The following SLC44A1 variants were observed in gnomAD, a reference collection of about 807,000 sequenced individuals.
SLC44A1 encodes solute carrier family 44 member 1.
Under a neutral mutation model 79.3 loss-of-function variants are expected in SLC44A1, and 26 were observed. The observed-to-expected ratio is 0.33, with a 90% CI of 0.24 to 0.46. SLC44A1 has a LOEUF of 0.46. Ranked by LOEUF, SLC44A1 falls within the 20% of genes least tolerant of loss-of-function variation. The probability of loss-of-function intolerance (pLI) is 1.00; values close to 1 mark genes in which losing one functional copy is unlikely to be tolerated. For synonymous variants in SLC44A1, 263 were observed against 286.2 expected, an observed-to-expected ratio of 0.92 and a Z score of 0.82; for missense variants, 688 against 798.1, an observed-to-expected ratio of 0.86 and a Z score of 1.66.
intron 1 of SLC44A1, among the ~76,000 whole-genome samples, chr9:105,277,722 A>G (rs559541663): frequency 5.4e-4 from 82 of 152,374 alleles, no homozygotes; most frequent in African/African-American, 1.9e-3. Flanking sequence ...TTGTAAACCA[A>G]GTAGCCTAAT....
chr9:105,266,198 C>T (rs1259605163), intron 1 of SLC44A1, among the ~76,000 whole-genome samples: 1 of 152,108 alleles, frequency 6.6e-6, no homozygotes, highest in African/African-American at 2.4e-5. Context: ...AACTGCTGGC[C>T]TCAACCGATC....
At chr9:105,366,151 CTAAA>C (rs1463578587) in intron 11 of SLC44A1, among the ~76,000 whole-genome samples, 191 bp from the exon 12 acceptor site, 6 of 152,056 alleles carry the variant, frequency 3.9e-5, no homozygotes, top group Non-Finnish European at 8.8e-5. Context: ...GCAGTAGAGA[CTAAA>C]TAAATATTTA....
intron 3 of SLC44A1, among the ~76,000 whole-genome samples, chr9:105,313,955 G>C (rs1189872393): frequency 6.6e-6 from 1 of 151,870 alleles, no homozygotes; most frequent in African/African-American, 2.4e-5. Context: ...GTAGAGACTG[G>C]GTTTCGCCAT....
rs147166443 is a variant in SLC44A1, at chr9:105,299,243, G to A, written c.60G>A (p.Pro20=). The A allele has an allele frequency of 5.7e-6, 9 of 1,590,210 alleles. No homozygotes were observed. The highest frequency in any genetic ancestry group is 6.8e-6 in the Non-Finnish European group (8 of 1,171,862). Reference sequence around the variant, plus strand: ...AGAGCTCCAAACGAGAATGGAAGCCGCTGGAGGACCGTAGCTGCACAGACA... The same window carrying A: ...AGAGCTCCAAACGAGAATGGAAGCCACTGGAGGACCGTAGCTGCACAGACA... The part of the protein sequence containing the change: ...AAQSSKREWK[P]LEDRSCTDIP... The change falls in exon 2 of 16, where the codon CCG becomes CCA. Residue 20 remains proline, a synonymous_variant. Transcript: ENST00000374720.
intron 1 of SLC44A1, among the ~76,000 whole-genome samples, chr9:105,277,315 C>T (rs1187761449): frequency 2.6e-5 from 4 of 152,192 alleles, no homozygotes; most frequent in African/African-American, 9.7e-5. Context: ...CTCTTGAATA[C>T]ACTTCAGAAA....
At chr9:105,271,633 A>T (rs1295090242) in intron 1 of SLC44A1, among the ~76,000 whole-genome samples, 2 of 152,002 alleles carry the variant, frequency 1.3e-5, no homozygotes, top group African/African-American at 4.8e-5. Flanking sequence ...TTTTTCTTTC[A>T]GACAGAGTCT....
chr9:105,259,800 T>C (rs1431180570), intron 1 of SLC44A1, among the ~76,000 whole-genome samples: 1 of 152,238 alleles, frequency 6.6e-6, no homozygotes, highest in Non-Finnish European at 1.5e-5. Flanking sequence ...GTTATGAAAG[T>C]TTGGAAATAA....
intron 1 of SLC44A1, among the ~76,000 whole-genome samples, chr9:105,271,498 C>T (rs1287806910): frequency 2.6e-5 from 4 of 152,178 alleles, no homozygotes; most frequent in African/African-American, 9.7e-5. Context: ...GGGAATGGTA[C>T]GAGCAAACAC....
rs933165553 is a variant in SLC44A1 at position 105,386,174 on chromosome 9, ATC to A, written c.1950+678_1950+679del. On this transcript the variant is annotated intron_variant, in intron 15 of 15. Coordinates refer to ENST00000374720, the MANE Select transcript of SLC44A1 (RefSeq NM_080546.5). ...TATATATGTATATGTACACAAATAT[ATC>A]TCTCTACTCCACTTTTATTTGAAAA... is the stretch of plus-strand genomic sequence containing the variant. 9.2e-6 allele frequency: 9 copies of A among 982,144 alleles called. No homozygotes were observed. The African/African-American group carries it at 1.6e-4, about 17-fold the overall frequency. The allele number at this position is 982,144 out of a possible 1,614,324, so 60.8% of individuals were successfully genotyped here.
chr9:105,394,645 T>C lies in SLC44A1; in HGVS notation c.*5589T>C. On this transcript the variant is annotated 3_prime_UTR_variant, in exon 16 of 16. Transcript: ENST00000374720. ...ATGTGGCTTAGTGTTATCAGTATAC[T>C]ACTGTCTTAAAATATATTTGTCAAC... The C allele has an allele frequency of 1.0e-6, 1 of 985,284 alleles. No homozygotes were observed. The highest frequency in any genetic ancestry group is 1.2e-6 in the Non-Finnish European group (1 of 829,776). 61.0% of individuals were successfully genotyped at this position (985,284 alleles called of 1,614,324 possible). A position where few individuals can be genotyped will look rare whatever the true frequency, so the allele number is the denominator to read the frequency against.
Position 105,389,859 on chromosome 9 carries a change from C to A in SLC44A1, c.*803C>A. ...TGCCTGATTTGAAAGGAAGCTGGGG[C>A]ACCCAGCGAGTTTAGCCTTTAAGTT... is the stretch of plus-strand genomic sequence containing the variant. On this transcript the variant is annotated 3_prime_UTR_variant, in exon 16 of 16. Coordinates refer to ENST00000374720, the MANE Select transcript of SLC44A1 (RefSeq NM_080546.5). The A allele has an allele frequency of 1.4e-6, 2 of 1,466,392 alleles. No homozygotes were observed. The highest frequency in any genetic ancestry group is 1.4e-5 in the African/African-American group (1 of 70,134). 90.8% of individuals were successfully genotyped at this position (1,466,392 alleles called of 1,614,324 possible).
intron 15 of SLC44A1, among the ~76,000 whole-genome samples, chr9:105,412,892 C>T (rs868282695): frequency 8.5e-5 from 13 of 152,220 alleles, no homozygotes; most frequent in Middle Eastern, 3.4e-3. Flanking sequence ...CATGAGTCAC[C>T]ACGCCCTGCC....
Position 105,351,550 on chromosome 9 carries a change from A to AAGAAAGAAAGAG in SLC44A1, c.500+3106_500+3107insAAGAGAGAAAGA, listed in dbSNP as rs1554797110. Among the ~76,000 whole-genome samples the AAGAAAGAAAGAG allele has an allele frequency of 5.4e-3, 544 of 100,270 alleles. 4 individuals carry two copies. The highest frequency in any genetic ancestry group is 8.1e-3 in the Non-Finnish European group (414 of 51,132). The allele number at this position is 100,270 out of a possible 152,430, so 65.8% of individuals were successfully genotyped here. On this transcript the variant is annotated intron_variant, in intron 5 of 15. Coordinates refer to ENST00000374720, the MANE Select transcript of SLC44A1 (RefSeq NM_080546.5). ...CCTGTCTGAAAGAAAGAAAGAAAGA[A>AAGAAAGAAAGAG]AGAAAGAGAGAAAGAGAGAAAGAGA...
chr9:105,397,964 GA>G (rs200868884), downstream of SLC44A1, among the ~76,000 whole-genome samples: 853 of 151,520 alleles, frequency 5.6e-3, 3 homozygotes, highest in African/African-American at 0.019. Context: ...AAAAAAAAAA[GA>G]AAAAAAGAAA....
intron 2 of SLC44A1, among the ~76,000 whole-genome samples, chr9:105,301,559 C>T (rs1046770584): frequency 1.3e-5 from 2 of 152,028 alleles, no homozygotes; most frequent in East Asian, 1.9e-4. Flanking sequence ...GATTTTTAGA[C>T]GATTTCTCTC....
rs1477195193 is a variant in SLC44A1 at position 105,324,638 on chromosome 9, TA to T, written c.270-10924del. Among the ~76,000 whole-genome samples, 5 of 152,206 alleles carry T rather than the reference TA, an allele frequency of 3.3e-5. No individual in the cohort carries two copies. The East Asian group carries it at 9.6e-4, about 29-fold the overall frequency. On this transcript the variant is annotated intron_variant, in intron 3 of 15. Transcript: ENST00000374720. ...TAATGTTGTGACAATATCTAGTGAA[TA>T]TCTGTGCCTTACTCTGTCTTACTCA...
At chr9:105,263,465 TCTTTA>T (rs1327466904) in intron 1 of SLC44A1, among the ~76,000 whole-genome samples, 3 of 152,186 alleles carry the variant, frequency 2.0e-5, no homozygotes, top group Non-Finnish European at 2.9e-5. Context: ...CTGGGCCACT[TCTTTA>T]CTTTACTTTT....
chr9:105,385,545 T>C, intron 15 of SLC44A1, 43 bp downstream of exon 15: 4 of 1,552,312 alleles, frequency 2.6e-6, no homozygotes, highest in Non-Finnish European at 8.7e-7. Flanking sequence ...AGAATTTCAC[T>C]TTCACTTCCT....
At position 105,393,160 on chromosome 9, in the gene SLC44A1, A is replaced by T; in HGVS notation, c.*4104A>T. ...GTTCATAAGTAAAAGCGTAACGCAG[A>T]TATTTGTGTATTCTGTATTCACAGC... On this transcript the variant is annotated 3_prime_UTR_variant, in exon 16 of 16. Transcript: ENST00000374720. The T allele has an allele frequency of 1.0e-6, 1 of 985,482 alleles. No individual in the cohort carries two copies. Among genetic ancestry groups the T allele is most frequent in the Non-Finnish European group, 1.2e-6 (1 of 829,938 alleles). 61.0% of individuals were successfully genotyped at this position (985,482 alleles called of 1,614,324 possible).
Sources: gnomAD v4.1 joint callset for allele counts (sites outside exome capture counted in the v4.1 genomes callset) on GRCh38, gnomAD v4.1.1 for gene constraint, MANE v1.5 for transcripts, NCBI Gene and HGNC (gene_info 2026-07-23, HGNC 2026-07-21) for gene names.